The following PLPPR4 variants were observed in gnomAD, a reference collection of about 807,000 sequenced individuals.
The protein encoded by PLPPR4 is phospholipid phosphatase-related protein type 4.
A neutral mutation model predicts 56.6 loss-of-function variants in PLPPR4; 24 were observed. That is an observed-to-expected ratio of 0.42 (90% CI 0.31 to 0.60). PLPPR4 has a LOEUF of 0.60. Among genes scored for constraint, PLPPR4 ranks in the 20% least tolerant of loss-of-function variants. The pLI is 0.13. For missense variants in PLPPR4, 654 were observed against 885.8 expected (o/e 0.74, Z 3.32); for synonymous variants, 326 against 328.1 (o/e 0.99, Z 0.07).
At position 99,308,160 on chromosome 1, in the gene PLPPR4, T is replaced by G. The variant is rs1163498285; in HGVS notation, c.*1150T>G. 2 of 152,058 alleles carry G rather than the reference T, an allele frequency of 1.3e-5. No individual in the cohort carries two copies. Among genetic ancestry groups the G allele is most frequent in the African/African-American group, 2.4e-5 (1 of 41,402 alleles). 9.4% of individuals were successfully genotyped at this position (152,058 alleles called of 1,614,324 possible). ...ACATTATTAACTTTTTTTTTCTATA[T>G]CCTGATGACCAGTAAATTAGAGCCA... On this transcript the variant is annotated 3_prime_UTR_variant, in exon 7 of 7. Transcript: ENST00000370185.
intron 2 of PLPPR4, among the ~76,000 whole-genome samples, chr1:99,289,967 G>A (rs1253300124): frequency 6.6e-6 from 1 of 152,088 alleles, no homozygotes; most frequent in Non-Finnish European, 1.5e-5. Flanking sequence ...AAGAAATAAA[G>A]TGGATTCAAA....
In PLPPR4 at chr1:99,296,879, G is replaced by A. The variant is rs200556246; in HGVS notation, c.394+12G>A. ...TGTCAGATTCGTTGGTGGGTGTGGG[G>A]AACCACAAAGAAAAGAAATGCTTTT... On this transcript the variant is annotated intron_variant, in intron 3 of 6. Transcript: ENST00000370185. 15 of 1,522,186 alleles carry A rather than the reference G, an allele frequency of 9.9e-6. No individual in the cohort carries two copies. The East Asian group carries it at 3.2e-4, about 33-fold the overall frequency. The allele number at this position is 1,522,186 out of a possible 1,614,324, so 94.3% of individuals were successfully genotyped here.
chr1:99,294,691 G>T, intron 2 of PLPPR4, among the ~76,000 whole-genome samples: 1 of 135,524 alleles, frequency 7.4e-6, no homozygotes, highest in Non-Finnish European at 1.5e-5. Context: ...GCAAGACTCA[G>T]TCTCAAAAAA....
intron 1 of PLPPR4, among the ~76,000 whole-genome samples, chr1:99,280,334 G>A (rs984008345): frequency 2.0e-5 from 3 of 152,148 alleles, no homozygotes; most frequent in African/African-American, 7.2e-5. Context: ...ACTTTATACA[G>A]TGTAGATTGA....
At chr1:99,279,604 G>A (rs149119493) in intron 1 of PLPPR4, among the ~76,000 whole-genome samples, 2,321 of 152,208 alleles carry the variant, frequency 0.015, 32 homozygotes, top group Non-Finnish European at 0.019. Flanking sequence ...CTCGCCTTGT[G>A]TCCTTTAAAC....
At chr1:99,289,131 G>A (rs1301342028) in intron 2 of PLPPR4, among the ~76,000 whole-genome samples, 1 of 152,038 alleles carries the variant, frequency 6.6e-6, no homozygotes, top group Non-Finnish European at 1.5e-5. Flanking sequence ...ACTTTTCAAG[G>A]GAAATGGTAT....
intron 3 of PLPPR4, among the ~76,000 whole-genome samples, chr1:99,297,577 C>T (rs1210586334): frequency 6.6e-6 from 1 of 152,070 alleles, no homozygotes; most frequent in Non-Finnish European, 1.5e-5. Context: ...CCCAATAAGT[C>T]CGCATAAAGT....
intron 4 of PLPPR4, among the ~76,000 whole-genome samples, chr1:99,299,623 A>C (rs1204043555): frequency 6.6e-6 from 1 of 151,354 alleles, no homozygotes; most frequent in African/African-American, 2.5e-5. Flanking sequence ...TTATATCTCC[A>C]TTATATGTTC....
intron 6 of PLPPR4, among the ~76,000 whole-genome samples, chr1:99,302,373 A>C (rs1238964105): frequency 2.0e-5 from 3 of 152,152 alleles, no homozygotes; most frequent in African/African-American, 7.2e-5. Flanking sequence ...TATCCTCAGC[A>C]TAAGGAAACT....
chr1:99,287,732 T>G (rs998906705), intron 1 of PLPPR4, among the ~76,000 whole-genome samples: 8 of 151,810 alleles, frequency 5.3e-5, no homozygotes, highest in Non-Finnish European at 7.4e-5. Flanking sequence ...AGGGTAGGAG[T>G]GGAGGTGTAG....
chr1:99,290,520 T>G (rs911452873), intron 2 of PLPPR4, among the ~76,000 whole-genome samples: 6 of 152,044 alleles, frequency 3.9e-5, no homozygotes, highest in Non-Finnish European at 8.8e-5. Context: ...GCTGGAGGCA[T>G]CACATTACCC....
chr1:99,298,961 C>T, intron 3 of PLPPR4, 74 bp from the exon 4 acceptor site: 2 of 968,958 alleles, frequency 2.1e-6, no homozygotes, highest in Non-Finnish European at 3.4e-6. Context: ...TCTTAATTCA[C>T]TAATGTTTAA....
chr1:99,281,179 C>T (rs1013775089), intron 1 of PLPPR4, among the ~76,000 whole-genome samples: 1 of 152,084 alleles, frequency 6.6e-6, no homozygotes, highest in Non-Finnish European at 1.5e-5. Flanking sequence ...TCACTGATAA[C>T]AAATGAAGCC....
chr1:99,288,047 G>T lies in PLPPR4; in HGVS notation c.161G>T (p.Ser54Ile). 6.2e-7 allele frequency: 1 copy of T among 1,613,850 alleles called. No individual in the cohort carries two copies. Among genetic ancestry groups the T allele is most frequent in the Non-Finnish European group, 8.5e-7 (1 of 1,179,860 alleles). ...TTCAAACCTGTGCACTCTGGATTTA[G>T]CTGCTATGACCGGAGTCTTAGCATG... ...DVFKPVHSGF[S>I]CYDRSLSMPY... The change falls in exon 2 of 7, where the codon AGC (serine) becomes ATC (isoleucine). Residue 54 changes from serine to isoleucine, a missense_variant. By Grantham distance (142) the Ser-to-Ile change is moderately radical (BLOSUM62 -2). This residue lies in a region of PLPPR4 where 186 missense variants were observed against 331.4 expected (regional missense o/e 0.56). Transcript: ENST00000370185.
At position 99,307,072 on chromosome 1, in the gene PLPPR4, T is replaced by C. The variant is rs1384367434; in HGVS notation, c.*62T>C. The C allele has an allele frequency of 6.6e-7, 1 of 1,518,496 alleles. No individual in the cohort carries two copies. Among genetic ancestry groups the C allele is most frequent in the South Asian group, 1.3e-5 (1 of 76,986 alleles). 94.1% of individuals were successfully genotyped at this position (1,518,496 alleles called of 1,614,324 possible). ...GACCATATGTTGATTCTACCTGTGT[T>C]CTGTTCCAGCGAATTGGGAAGTCTC... On this transcript the variant is annotated 3_prime_UTR_variant, in exon 7 of 7. Transcript: ENST00000370185.
At chr1:99,291,322 G>T (rs1037642362) in intron 2 of PLPPR4, among the ~76,000 whole-genome samples, 1 of 151,982 alleles carries the variant, frequency 6.6e-6, no homozygotes, top group Non-Finnish European at 1.5e-5. Flanking sequence ...AAAAAGGAAC[G>T]CTTATACACT....
rs965098653 is a variant in PLPPR4, at chr1:99,309,082, A to G, written c.*2072A>G. The G allele has an allele frequency of 1.3e-5, 2 of 152,594 alleles. No homozygotes were observed. Among genetic ancestry groups the G allele is most frequent in the African/African-American group, 4.8e-5 (2 of 41,446 alleles). 9.5% of individuals were successfully genotyped at this position (152,594 alleles called of 1,614,324 possible). A position where few individuals can be genotyped will look rare whatever the true frequency, so the allele number is the denominator to read the frequency against. On this transcript the variant is annotated 3_prime_UTR_variant, in exon 7 of 7. Transcript: ENST00000370185. ...ATTGATATATTCTTTTTCTACTCAA[A>G]GTGCCAAAGGCTACAGTTTTTAATG...
chr1:99,275,888 T>C (rs1437194714), intron 1 of PLPPR4, among the ~76,000 whole-genome samples: 2 of 152,090 alleles, frequency 1.3e-5, no homozygotes, highest in Non-Finnish European at 2.9e-5. Context: ...CAGAGGTCAA[T>C]GCAGCACAGT....
intron 5 of PLPPR4, among the ~76,000 whole-genome samples, 162 bp from the exon 6 acceptor site, chr1:99,301,562 A>G (rs1272201850): frequency 6.6e-6 from 1 of 152,052 alleles, no homozygotes; most frequent in African/African-American, 2.4e-5. Context: ...AAATTTCATC[A>G]TGCATATCCC....
Sources: gnomAD v4.1 joint callset for allele counts (sites outside exome capture counted in the v4.1 genomes callset) on GRCh38, gnomAD v4.1.1 for gene constraint, gnomAD v4.1.1 regional missense constraint, MANE v1.5 for transcripts, NCBI Gene and HGNC (gene_info 2026-07-23, HGNC 2026-07-21) for gene names.